CNTNAP3B: variants seen among roughly 807,000 people sequenced by gnomAD.
CNTNAP3B encodes contactin associated protein family member 3B.
A neutral mutation model predicts 108.9 loss-of-function variants in CNTNAP3B; 25 were observed. The ratio of observed to expected loss-of-function variants is 0.23; its 90% CI spans 0.17 to 0.32. CNTNAP3B has a LOEUF of 0.32. CNTNAP3B is among the 10% of genes least tolerant of loss of function. The probability of loss-of-function intolerance (pLI) is 1.00; values close to 1 mark genes in which losing one functional copy is unlikely to be tolerated. For missense variants in CNTNAP3B, 252 were observed against 1,210.4 expected (o/e 0.21, Z 11.75); for synonymous variants, 103 against 473.4 (o/e 0.22, Z 10.16).
Position 41,941,289 on chromosome 9 carries a change from A to G in CNTNAP3B, c.2081-2889T>C, listed in dbSNP as rs201109120. ...CAGAATCAACTGAAAAAAAAATAAC[A>G]CAACGAGAAATTTATAAGAAACTCA... On this transcript the variant is annotated intron_variant, in intron 13 of 23. Transcript: ENST00000377561. 7.6e-4 allele frequency among the ~76,000 whole-genome samples: 113 copies of G among 148,460 alleles called. No individual in the cohort carries two copies. The East Asian group carries it at 0.019, about 25-fold the overall frequency.
At chr9:42,030,692 A>C (rs1206430744) in intron 3 of CNTNAP3B, among the ~76,000 whole-genome samples, 2 of 66,030 alleles carry the variant, frequency 3.0e-5, no homozygotes, top group African/African-American at 7.1e-5. Context: ...ACTGGACACC[A>C]CCCTTCCCCC....
chr9:42,126,975 C>G lies in CNTNAP3B; in HGVS notation c.85+2035G>C, dbSNP rs1436202456. On this transcript the variant is annotated intron_variant, in intron 1 of 23. Transcript: ENST00000377561. ...AACCAGCTGTGAATAACGTGAGCAA[C>G]TCATGGTGTCTTCATGAGAAGGAAA... Among the ~76,000 whole-genome samples the G allele has an allele frequency of 5.8e-5, 8 of 138,722 alleles. 3 individuals are homozygous for G. Among genetic ancestry groups the G allele is most frequent in the Admixed American group, 2.2e-4 (3 of 13,912 alleles). The allele number at this position is 138,722 out of a possible 152,430, so 91.0% of individuals were successfully genotyped here.
intron 13 of CNTNAP3B, 131 bp downstream of exon 13, chr9:41,953,052 G>C (rs938172265): frequency 8.7e-7 from 1 of 1,151,166 alleles, no homozygotes; most frequent in African/African-American, 1.6e-5. Flanking sequence ...AAGAGAAGGA[G>C]AGAGCGGTCA....
Position 42,014,562 on chromosome 9 carries a change from G to A in CNTNAP3B, c.391-1037C>T, listed in dbSNP as rs577446022. On this transcript the variant is annotated intron_variant, in intron 3 of 23. Transcript: ENST00000377561. ...TCCCAGTACTTTGGGAGGCCAAGTC[G>A]GACAGATCACGAGGTCAGGAGATCG... is the stretch of plus-strand genomic sequence containing the variant. Among the ~76,000 whole-genome samples the A allele has an allele frequency of 3.5e-4, 42 of 118,614 alleles. 1 individual carries two copies. The highest frequency in any genetic ancestry group is 9.1e-4 in the African/African-American group (27 of 29,802). The allele number at this position is 118,614 out of a possible 152,430, so 77.8% of individuals were successfully genotyped here. A position where few individuals can be genotyped will look rare whatever the true frequency, so the allele number is the denominator to read the frequency against.
chr9:41,964,900 G>A (rs1251916419), intron 10 of CNTNAP3B, among the ~76,000 whole-genome samples: 3 of 152,262 alleles, frequency 2.0e-5, no homozygotes, highest in African/African-American at 7.2e-5. Context: ...TGTCCCAAGT[G>A]ACACAATAAC....
intron 3 of CNTNAP3B, among the ~76,000 whole-genome samples, chr9:42,075,276 C>T (rs1281608948): frequency 6.8e-6 from 1 of 146,488 alleles, no homozygotes; most frequent in Non-Finnish European, 1.5e-5. Context: ...ATTAAGGTCA[C>T]ATTCTGAGGT....
chr9:41,952,078 C>G (rs1257559801), intron 13 of CNTNAP3B, among the ~76,000 whole-genome samples: 1 of 152,254 alleles, frequency 6.6e-6, no homozygotes, highest in African/African-American at 2.4e-5. Context: ...TCAATCCAGG[C>G]AGAGGAAATG....
Position 42,049,458 on chromosome 9 carries a change from G to A in CNTNAP3B, c.390+27411C>T, listed in dbSNP as rs1319934095. 1.5e-5 allele frequency among the ~76,000 whole-genome samples: 2 copies of A among 133,258 alleles called. 1 individual carries two copies. Among genetic ancestry groups the A allele is most frequent in the East Asian group, 4.7e-4 (2 of 4,280 alleles). The allele number at this position is 133,258 out of a possible 152,430, so 87.4% of individuals were successfully genotyped here. A position where few individuals can be genotyped will look rare whatever the true frequency, so the allele number is the denominator to read the frequency against. ...CCAAATCCTCAATGTCGGCATACCT[G>A]CAGATGCTAATTCTAGGTCAGTCTT... On this transcript the variant is annotated intron_variant, in intron 3 of 23. Coordinates refer to ENST00000377561, the MANE Select transcript of CNTNAP3B (RefSeq NM_001201380.3).
chr9:41,936,209 G>T (rs1274802629), intron 14 of CNTNAP3B, among the ~76,000 whole-genome samples: 1 of 152,268 alleles, frequency 6.6e-6, no homozygotes, highest in African/African-American at 2.4e-5. Context: ...TCCGGGAGGC[G>T]CAGGTTGCAG....
Position 41,924,644 on chromosome 9 carries a change from T to TGCGCGC in CNTNAP3B, c.2366-552_2366-551insGCGCGC, listed in dbSNP as rs1482014228. On this transcript the variant is annotated intron_variant, in intron 15 of 23. Transcript: ENST00000377561. ...GAACACAGACTCTTGCTTTCCTTCC[T>TGCGCGC]GCACACACACACACACACACACACA... Among the ~76,000 whole-genome samples, 133 of 95,414 alleles carry TGCGCGC rather than the reference T, an allele frequency of 1.4e-3. 1 individual carries two copies. Among genetic ancestry groups the TGCGCGC allele is most frequent in the African/African-American group, 4.3e-3 (104 of 24,380 alleles). 62.6% of individuals were successfully genotyped at this position (95,414 alleles called of 152,430 possible).
intron 10 of CNTNAP3B, among the ~76,000 whole-genome samples, chr9:41,966,370 T>C (rs1406025935): frequency 6.7e-6 from 1 of 149,634 alleles, no homozygotes; most frequent in African/African-American, 2.5e-5. Context: ...ACTATCAACA[T>C]GTATACACTA....
chr9:41,966,773 C>G (rs1456291269), intron 10 of CNTNAP3B, among the ~76,000 whole-genome samples: 1 of 151,770 alleles, frequency 6.6e-6, no homozygotes, highest in African/African-American at 2.4e-5. Context: ...CGAGACCATC[C>G]TGGCTAACAC....
intron 13 of CNTNAP3B, among the ~76,000 whole-genome samples, chr9:41,944,627 AAAAG>A (rs1403372893): frequency 1.3e-5 from 2 of 151,926 alleles, no homozygotes; most frequent in Admixed American, 6.6e-5. Flanking sequence ...ATTCAGGAAA[AAAAG>A]AAGAAACAAG....
chr9:42,080,865 C>A (rs1449415434), intron 2 of CNTNAP3B, among the ~76,000 whole-genome samples: 1 of 61,032 alleles, frequency 1.6e-5, no homozygotes, highest in Non-Finnish European at 3.1e-5. Flanking sequence ...TTTGTTAAGT[C>A]AAGATTATAC....
chr9:42,121,105 A>G (rs1828452384), intron 1 of CNTNAP3B, among the ~76,000 whole-genome samples: 1 of 138,350 alleles, frequency 7.2e-6, no homozygotes, highest in South Asian at 2.3e-4. Context: ...AGGAGTTAGC[A>G]CCCCAAGGGC....
intron 18 of CNTNAP3B, among the ~76,000 whole-genome samples, chr9:41,916,645 AT>A (rs1200757348): frequency 3.2e-4 from 46 of 144,220 alleles, no homozygotes; most frequent in African/African-American, 1.1e-3. Flanking sequence ...CAACCAAACA[AT>A]GTGTAATGAT....
chr9:41,932,632 G>T (rs1475721607), intron 14 of CNTNAP3B, among the ~76,000 whole-genome samples: 4 of 151,808 alleles, frequency 2.6e-5, no homozygotes, highest in Non-Finnish European at 4.4e-5. Flanking sequence ...CGATTCTCCT[G>T]CCTCAGCCTC....
chr9:41,939,907 C>T (rs1365892472), intron 13 of CNTNAP3B, among the ~76,000 whole-genome samples: 1 of 151,884 alleles, frequency 6.6e-6, no homozygotes, highest in East Asian at 1.9e-4. Flanking sequence ...AGAAGACAAC[C>T]GAAGAGAATT....
chr9:42,095,501 A>G (rs1273965508), intron 2 of CNTNAP3B, among the ~76,000 whole-genome samples: 1 of 139,488 alleles, frequency 7.2e-6, no homozygotes, highest in East Asian at 2.2e-4. Flanking sequence ...ACAACATCAC[A>G]TTAATTTGAG....
Sources: allele counts gnomAD v4.1 joint callset (sites outside exome capture counted in the v4.1 genomes callset), GRCh38; gene constraint gnomAD v4.1.1; transcripts MANE v1.5; gene names NCBI Gene and HGNC (gene_info 2026-07-23, HGNC 2026-07-21).